TEX11: variants seen among roughly 807,000 people sequenced by gnomAD.
The protein encoded by TEX11 is testis-expressed protein 11.
A neutral mutation model predicts 84.4 loss-of-function variants in TEX11; 7 were observed. The ratio of observed to expected loss-of-function variants is 0.08; its 90% CI spans 0.05 to 0.16. The LOEUF (loss-of-function observed/expected upper bound fraction) is 0.16. Ranked by LOEUF, TEX11 falls within the 10% of genes least tolerant of loss-of-function variation. The pLI is 1.00. For missense variants in TEX11, 551 were observed against 660.5 expected (o/e 0.83, Z 1.82); for synonymous variants, 264 against 222.8 (o/e 1.18, Z -1.64).
chrX:70,576,782 T>C (rs945712476), intron 25 of TEX11, among the ~76,000 whole-genome samples: 6 of 112,639 alleles, frequency 5.3e-5, no homozygotes, highest in Non-Finnish European at 1.1e-4. Flanking sequence ...TACACACATA[T>C]GTTTTAAAAA....
chrX:70,871,895 T>G (rs1414005469), intron 4 of TEX11, among the ~76,000 whole-genome samples: 1 of 106,490 alleles, frequency 9.4e-6, no homozygotes, highest in Non-Finnish European at 1.9e-5. Flanking sequence ...CCCCTTTTTT[T>G]TAACAGTCTC....
intron 4 of TEX11, 115 bp downstream of exon 4, chrX:70,873,108 C>A (rs2091637791): frequency 2.2e-6 from 1 of 450,041 alleles, no homozygotes; most frequent in South Asian, 5.6e-5. Flanking sequence ...TTTTGTTTGT[C>A]TTTTAACAAA....
intron 8 of TEX11, among the ~76,000 whole-genome samples, chrX:70,821,557 G>A (rs1474126899): frequency 8.9e-6 from 1 of 112,088 alleles, no homozygotes; most frequent in African/African-American, 3.2e-5. Flanking sequence ...TAAGTTTCCA[G>A]AGCCCCTGCC....
intron 16 of TEX11, among the ~76,000 whole-genome samples, chrX:70,657,328 G>A (rs2089877676): frequency 9.1e-6 from 1 of 109,909 alleles, no homozygotes; most frequent in Non-Finnish European, 1.9e-5. Flanking sequence ...AAACAAAAAA[G>A]GGAGCTCTGT....
intron 17 of TEX11, among the ~76,000 whole-genome samples, chrX:70,647,557 A>G (rs2089756462): frequency 9.1e-6 from 1 of 109,701 alleles, no homozygotes; most frequent in Admixed American, 9.8e-5. Context: ...ACAAAAAATA[A>G]TAAAAAAGAT....
chrX:70,689,922 T>C (rs1366415380), intron 13 of TEX11, among the ~76,000 whole-genome samples: 1 of 111,771 alleles, frequency 8.9e-6, no homozygotes, highest in African/African-American at 3.3e-5. Context: ...ATAAATCATA[T>C]TGACAGTATA....
At chrX:70,668,299 G>A (rs1189512857) in intron 16 of TEX11, among the ~76,000 whole-genome samples, 2 of 112,341 alleles carry the variant, frequency 1.8e-5, no homozygotes, top group Non-Finnish European at 3.8e-5. Context: ...TCCCAACAAT[G>A]CTCAAGCAAC....
chrX:70,861,903 A>G (rs2091572205), intron 4 of TEX11, among the ~76,000 whole-genome samples: 1 of 112,229 alleles, frequency 8.9e-6, no homozygotes, highest in African/African-American at 3.2e-5. Context: ...CAATTGATCT[A>G]AAGCTGTTCA....
At chrX:70,588,060 C>T (rs182721242) in intron 25 of TEX11, among the ~76,000 whole-genome samples, 2 of 112,566 alleles carry the variant, frequency 1.8e-5, no homozygotes, top group African/African-American at 6.4e-5. Context: ...TCTGTACCCC[C>T]ATTTTATCTA....
At chrX:70,869,689 T>C (rs187131204) in intron 4 of TEX11, among the ~76,000 whole-genome samples, 2 of 110,426 alleles carry the variant, frequency 1.8e-5, no homozygotes, top group South Asian at 3.9e-4. Flanking sequence ...AGGTAGGAGG[T>C]TGACCTGAGC....
chrX:70,901,076 G>A (rs1291120258), intron 2 of TEX11, among the ~76,000 whole-genome samples: 1 of 111,785 alleles, frequency 8.9e-6, no homozygotes, highest in Non-Finnish European at 1.9e-5. Flanking sequence ...AAATTAGTCA[G>A]GAATGGTGGC....
intron 24 of TEX11, among the ~76,000 whole-genome samples, chrX:70,592,318 A>G (rs2088943351): frequency 9.0e-6 from 1 of 111,522 alleles, no homozygotes; most frequent in Non-Finnish European, 1.9e-5. Flanking sequence ...GCTCAGTGTG[A>G]TGTAAGCACT....
At chrX:70,529,356 T>C (rs2087855485) in intron 29 of TEX11, among the ~76,000 whole-genome samples, 169 bp from the exon 30 acceptor site, 1 of 112,245 alleles carries the variant, frequency 8.9e-6, no homozygotes, top group Admixed American at 9.5e-5. Context: ...GAATCCCCTA[T>C]TATAAGGGAG....
chrX:70,785,768 GAT>G (rs1307691688), intron 9 of TEX11, among the ~76,000 whole-genome samples: 10 of 111,947 alleles, frequency 8.9e-5, no homozygotes, highest in African/African-American at 2.9e-4. Flanking sequence ...ACCACAATGA[GAT>G]ACCATCTCAC....
At chrX:70,643,442 A>C (rs1448246646) in intron 17 of TEX11, among the ~76,000 whole-genome samples, 1 of 87,594 alleles carries the variant, frequency 1.1e-5, no homozygotes, top group Non-Finnish European at 2.2e-5. Context: ...TATGGAACCA[A>C]AAAAGAGCCC....
intron 13 of TEX11, among the ~76,000 whole-genome samples, chrX:70,701,023 G>A (rs1229486278): frequency 9.0e-6 from 1 of 111,609 alleles, no homozygotes; most frequent in African/African-American, 3.3e-5. Flanking sequence ...CCAGAGGTTC[G>A]TTCTTGTGGT....
intron 9 of TEX11, 48 bp from the exon 10 acceptor site, chrX:70,744,267 T>C (rs770604219): frequency 1.7e-5 from 9 of 541,508 alleles, no homozygotes; most frequent in Non-Finnish European, 2.2e-5. Flanking sequence ...TAAACATATA[T>C]CCATTTCAAA....
chrX:70,796,686 G>A (rs1449252007), intron 9 of TEX11, among the ~76,000 whole-genome samples: 1 of 112,156 alleles, frequency 8.9e-6, no homozygotes, highest in African/African-American at 3.2e-5. Flanking sequence ...CCTACAGAAT[G>A]GGAGTAAATA....
At chrX:70,571,703 C>A in intron 25 of TEX11, among the ~76,000 whole-genome samples, 1 of 111,789 alleles carries the variant, frequency 8.9e-6, no homozygotes, top group Middle Eastern at 4.6e-3. Flanking sequence ...GGATAACATA[C>A]CTTGTATGAT....
Sources: allele counts gnomAD v4.1 joint callset (sites outside exome capture counted in the v4.1 genomes callset), GRCh38; gene constraint gnomAD v4.1.1; transcripts MANE v1.5; gene names NCBI Gene and HGNC (gene_info 2026-07-23, HGNC 2026-07-21).